Variants in IQCJ observed in about 807,000 individuals in gnomAD.
IQCJ encodes the protein IQ motif containing J.
Under a neutral mutation model 11.0 loss-of-function variants are expected in IQCJ, and 9 were observed. That is an observed-to-expected ratio of 0.82 (90% CI 0.49 to 1.43). The LOEUF is 1.43. Ranked by LOEUF, IQCJ falls within the 40% of genes most tolerant of loss-of-function variation. IQCJ has a pLI of 0.00. For synonymous variants in IQCJ, 55 were observed against 51.3 expected, an observed-to-expected ratio of 1.07 and a Z score of -0.31; for missense variants, 146 against 133.2, an observed-to-expected ratio of 1.10 and a Z score of -0.47.
At chr3:159,141,887 T>C (rs920554939) in intron 1 of IQCJ, among the ~76,000 whole-genome samples, 3 of 152,224 alleles carry the variant, frequency 2.0e-5, no homozygotes, top group Non-Finnish European at 4.4e-5. Context: ...TGATAACATA[T>C]TAGAATATCA....
chr3:159,210,731 C>A (rs566481074), intron 1 of IQCJ, among the ~76,000 whole-genome samples: 1 of 152,138 alleles, frequency 6.6e-6, no homozygotes, highest in African/African-American at 2.4e-5. Context: ...AGTGCAGTGG[C>A]CCAATCTCGG....
chr3:159,083,960 T>C (rs550555041), intron 1 of IQCJ, among the ~76,000 whole-genome samples: 2 of 152,196 alleles, frequency 1.3e-5, no homozygotes, highest in East Asian at 3.9e-4. Flanking sequence ...GGGATCCTTG[T>C]GATGGAACTG....
rs11928522 is a variant in IQCJ at position 159,116,889 on chromosome 3, G to T, written c.9+47448G>T. Among the ~76,000 whole-genome samples the T allele has an allele frequency of 9.3e-3, 1,416 of 151,860 alleles. 28 individuals are homozygous for T. Among genetic ancestry groups the T allele is most frequent in the African/African-American group, 0.032 (1,331 of 41,436 alleles). The stretch of plus-strand genomic sequence containing the variant: ...TCTGTTTAAGTTGAGATGTTCCTGA[G>T]AAGGATCACTGTTTGCTACCAGCCC... On this transcript the variant is annotated intron_variant, in intron 1 of 3. Coordinates refer to ENST00000397832, the MANE Select transcript of IQCJ (RefSeq NM_001042706.3).
intron 1 of IQCJ, among the ~76,000 whole-genome samples, chr3:159,132,716 T>C (rs1720059303): frequency 6.6e-6 from 1 of 152,208 alleles, no homozygotes. Flanking sequence ...TAGGAAGATG[T>C]CGTATCTAGT....
intron 1 of IQCJ, among the ~76,000 whole-genome samples, chr3:159,084,872 G>A (rs565761938): frequency 2.0e-5 from 3 of 151,704 alleles, no homozygotes; most frequent in Admixed American, 1.3e-4. Flanking sequence ...GGTCTTGGAG[G>A]CACATCCTAG....
At chr3:159,107,863 G>A (rs1718362072) in intron 1 of IQCJ, among the ~76,000 whole-genome samples, 1 of 152,006 alleles carries the variant, frequency 6.6e-6, no homozygotes, top group South Asian at 2.1e-4. Context: ...TGGATGTCCT[G>A]GACAAGTTGA....
At chr3:159,164,325 T>A (rs556888253) in intron 1 of IQCJ, among the ~76,000 whole-genome samples, 1 of 152,312 alleles carries the variant, frequency 6.6e-6, no homozygotes, top group Middle Eastern at 3.4e-3. Flanking sequence ...ACAAATCAGA[T>A]GTTCACAAAG....
chr3:159,149,658 C>G (rs1721102392), intron 1 of IQCJ, among the ~76,000 whole-genome samples: 1 of 152,150 alleles, frequency 6.6e-6, no homozygotes, highest in African/African-American at 2.4e-5. Context: ...TCAGCATAGT[C>G]TCCTGGTGTA....
intron 1 of IQCJ, among the ~76,000 whole-genome samples, chr3:159,155,791 G>GA (rs1170772437): frequency 2.6e-5 from 4 of 151,936 alleles, no homozygotes; most frequent in Admixed American, 6.6e-5. Context: ...TGAAATTCTA[G>GA]AAAAAAAGGT....
rs1715381917 is a variant in IQCJ, at chr3:159,069,421, A to G, written c.-12A>G. 1 of 1,609,966 alleles carries G rather than the reference A, an allele frequency of 6.2e-7. No homozygotes were observed. ...GTCTCCTTTCACCTGCAGGTGTTCC[A>G]GAAACTTCAAAATGCGTCTGGTAAT... On this transcript the variant is annotated 5_prime_UTR_variant, in exon 1 of 4. Coordinates refer to ENST00000397832, the MANE Select transcript of IQCJ (RefSeq NM_001042706.3).
At chr3:159,217,133 A>C (rs1725281873) in intron 1 of IQCJ, among the ~76,000 whole-genome samples, 1 of 152,130 alleles carries the variant, frequency 6.6e-6, no homozygotes, top group Non-Finnish European at 1.5e-5. Context: ...AGTTTTAAAA[A>C]ATGCTGTTGA....
At chr3:159,228,483 T>C (rs1194155247) in intron 1 of IQCJ, among the ~76,000 whole-genome samples, 1 of 152,250 alleles carries the variant, frequency 6.6e-6, no homozygotes, top group East Asian at 1.9e-4. Flanking sequence ...TGGGAATTTC[T>C]TGTGGACTTT....
chr3:159,212,881 G>A (rs1725028813), intron 1 of IQCJ, among the ~76,000 whole-genome samples: 2 of 152,220 alleles, frequency 1.3e-5, no homozygotes, highest in South Asian at 4.1e-4. Flanking sequence ...CTCAGTATAT[G>A]ACTAGACTGG....
intron 1 of IQCJ, among the ~76,000 whole-genome samples, chr3:159,090,421 C>G (rs1364012605): frequency 1.3e-5 from 2 of 151,742 alleles, no homozygotes; most frequent in African/African-American, 4.9e-5. Context: ...GCCATCTTGG[C>G]TCCTCCACCC....
intron 1 of IQCJ, among the ~76,000 whole-genome samples, chr3:159,152,394 C>T (rs1721281217): frequency 6.6e-6 from 1 of 152,124 alleles, no homozygotes; most frequent in African/African-American, 2.4e-5. Context: ...TTCTCTGGGG[C>T]CCTTTCATGG....
intron 1 of IQCJ, among the ~76,000 whole-genome samples, chr3:159,194,690 C>A (rs1271653349): frequency 1.3e-5 from 2 of 152,136 alleles, no homozygotes; most frequent in Non-Finnish European, 2.9e-5. Flanking sequence ...CTTCTTTGAA[C>A]CATTTGATCT....
At chr3:159,214,940 G>T (rs1480280856) in intron 1 of IQCJ, among the ~76,000 whole-genome samples, 1 of 152,208 alleles carries the variant, frequency 6.6e-6, no homozygotes, top group South Asian at 2.1e-4. Flanking sequence ...ACCCTGATGG[G>T]AAGTCTGCTG....
chr3:159,162,656 C>A (rs1255286637), intron 1 of IQCJ, among the ~76,000 whole-genome samples: 1 of 151,816 alleles, frequency 6.6e-6, no homozygotes, highest in South Asian at 2.1e-4. Flanking sequence ...AAAGGATCAA[C>A]AAAATTGATA....
At chr3:159,257,381 T>C (rs1473776160) in intron 3 of IQCJ, among the ~76,000 whole-genome samples, 1 of 152,152 alleles carries the variant, frequency 6.6e-6, no homozygotes, top group Non-Finnish European at 1.5e-5. Context: ...GTGTTATAGA[T>C]CCAGGACCCA....
Sources: allele counts gnomAD v4.1 joint callset (sites outside exome capture counted in the v4.1 genomes callset), GRCh38; gene constraint gnomAD v4.1.1; transcripts MANE v1.5; gene names NCBI Gene and HGNC (gene_info 2026-07-23, HGNC 2026-07-21).